RCSD1: variants seen among roughly 807,000 people sequenced by gnomAD.
RCSD1 encodes the protein capZ-interacting protein.
A neutral mutation model predicts 42.5 loss-of-function variants in RCSD1; 26 were observed. The observed-to-expected ratio is 0.61, with a 90% CI of 0.45 to 0.85. RCSD1 has a LOEUF of 0.85. Among genes scored for constraint, RCSD1 ranks in the 40% least tolerant of loss-of-function variants. The probability of loss-of-function intolerance (pLI) is 0.00; values close to 1 mark genes in which losing one functional copy is unlikely to be tolerated. For synonymous variants in RCSD1, 220 were observed against 212.2 expected (o/e 1.04, Z -0.32); for missense variants, 571 against 528.3 (o/e 1.08, Z -0.79).
intron 1 of RCSD1, among the ~76,000 whole-genome samples, chr1:167,639,494 CTTTG>C (rs888713788): frequency 6.0e-5 from 9 of 149,678 alleles, no homozygotes; most frequent in Non-Finnish European, 8.9e-5. Context: ...TTTTTTTTTT[CTTTG>C]TTTGTTTGTT....
intron 1 of RCSD1, among the ~76,000 whole-genome samples, chr1:167,680,281 G>A (rs1381885625): frequency 6.6e-6 from 1 of 151,954 alleles, no homozygotes; most frequent in Non-Finnish European, 1.5e-5. Flanking sequence ...AGGACCTGGA[G>A]GGTAGATGCT....
At chr1:167,639,147 G>A (rs1481425411) in intron 1 of RCSD1, among the ~76,000 whole-genome samples, 1 of 152,274 alleles carries the variant, frequency 6.6e-6, no homozygotes, top group Non-Finnish European at 1.5e-5. Flanking sequence ...AACCCGGGAA[G>A]CGGAGGTTGC....
chr1:167,667,324 GGAC>G (rs985238946), intron 1 of RCSD1, among the ~76,000 whole-genome samples: 15 of 152,178 alleles, frequency 9.9e-5, no homozygotes, highest in African/African-American at 3.4e-4. Flanking sequence ...TACTGAGACC[GGAC>G]CAGAGATGTG....
At chr1:167,645,597 G>A (rs1658116866) in intron 1 of RCSD1, among the ~76,000 whole-genome samples, 1 of 152,178 alleles carries the variant, frequency 6.6e-6, no homozygotes, top group Non-Finnish European at 1.5e-5. Context: ...CCAAAAACTA[G>A]GAAGAATTTT....
intron 5 of RCSD1, among the ~76,000 whole-genome samples, chr1:167,695,166 T>C (rs376733993): frequency 1.8e-4 from 28 of 152,342 alleles, no homozygotes; most frequent in African/African-American, 6.0e-4. Context: ...GCCTGCCGGC[T>C]AGGGCCAGAG....
intron 1 of RCSD1, among the ~76,000 whole-genome samples, chr1:167,658,999 C>A (rs1406135832): frequency 6.6e-6 from 1 of 152,100 alleles, no homozygotes; most frequent in Non-Finnish European, 1.5e-5. Flanking sequence ...ACATTTACTC[C>A]AGCAATATAT....
intron 1 of RCSD1, among the ~76,000 whole-genome samples, chr1:167,673,067 C>A (rs1415293967): frequency 6.6e-6 from 1 of 152,118 alleles, no homozygotes; most frequent in African/African-American, 2.4e-5. Flanking sequence ...GAGGCAGATC[C>A]AAGACGATGC....
chr1:167,666,532 A>G (rs967035664), intron 1 of RCSD1, among the ~76,000 whole-genome samples: 1 of 152,226 alleles, frequency 6.6e-6, no homozygotes, highest in Non-Finnish European at 1.5e-5. Context: ...TGCTAGTTAC[A>G]GAGGGGACTT....
At chr1:167,661,486 C>G (rs2102214276) in intron 1 of RCSD1, among the ~76,000 whole-genome samples, 1 of 152,372 alleles carries the variant, frequency 6.6e-6, no homozygotes, top group Middle Eastern at 3.4e-3. Context: ...TTTCTGCTCT[C>G]TGCTTTCTGT....
rs116281291 is a variant in RCSD1, at chr1:167,637,313, G to A, written c.6+6884G>A. On this transcript the variant is annotated intron_variant, in intron 1 of 6. Coordinates refer to ENST00000367854, the MANE Select transcript of RCSD1 (RefSeq NM_052862.4). The stretch of plus-strand genomic sequence containing the variant: ...TTTGAGGACTAGATGGGGAGTACAG[G>A]AAATGTAAGTTGCAGTTCCTGCCCT... Among the ~76,000 whole-genome samples the A allele has an allele frequency of 4.6e-3, 703 of 152,288 alleles. 2 individuals carry two copies. The highest frequency in any genetic ancestry group is 0.016 in the African/African-American group (663 of 41,560).
chr1:167,697,719 A>G lies in RCSD1; in HGVS notation c.1095A>G (p.Glu365=). The G allele has an allele frequency of 6.3e-7, 1 of 1,592,490 alleles. No individual in the cohort carries two copies. Among genetic ancestry groups the G allele is most frequent in the Non-Finnish European group, 8.5e-7 (1 of 1,170,806 alleles). Residue 365 remains glutamate, a synonymous_variant, in exon 6 of 7, where the codon GAA becomes GAG. Coordinates refer to ENST00000367854, the MANE Select transcript of RCSD1 (RefSeq NM_052862.4). ...AGGGCGGAGATGTCCCCAAGCAGGAAAAAGGCAAGGAAAAACAACAGGAGG... is the reference window on the plus strand; with the variant it reads ...AGGGCGGAGATGTCCCCAAGCAGGAGAAAGGCAAGGAAAAACAACAGGAGG... ...GVKGGDVPKQ[E]KGKEKQQEGA... is the part of the protein sequence containing the mutation.
intron 4 of RCSD1, among the ~76,000 whole-genome samples, chr1:167,691,910 T>G (rs1295322072): frequency 6.6e-6 from 1 of 152,096 alleles, no homozygotes; most frequent in Non-Finnish European, 1.5e-5. Flanking sequence ...ATCCCAGAAC[T>G]CCAGCACCCC....
In RCSD1 at chr1:167,705,050, CAGCTAATTT is replaced by C. The variant is rs532648085; in HGVS notation, c.*359_*367del. On this transcript the variant is annotated 3_prime_UTR_variant, in exon 7 of 7. Transcript: ENST00000367854. ...TGCTATCCACACCCACCTATCCCTG[CAGCTAATTT>C]AGCTGATCTCTAATTTAACTGAGCT... 0.25 allele frequency: 45,917 copies of C among 182,612 alleles called. 6,255 individuals carry two copies. The highest frequency in any genetic ancestry group is 0.32 in the Middle Eastern group (138 of 430). The allele number at this position is 182,612 out of a possible 1,614,324, so 11.3% of individuals were successfully genotyped here. A position where few individuals can be genotyped will look rare whatever the true frequency, so the allele number is the denominator to read the frequency against.
chr1:167,647,152 G>C (rs573904441), intron 1 of RCSD1, among the ~76,000 whole-genome samples: 3 of 129,682 alleles, frequency 2.3e-5, no homozygotes, highest in Non-Finnish European at 3.3e-5. Context: ...GAGAGAGAAG[G>C]GGGTAGAGGC....
chr1:167,638,654 C>T (rs753210963), intron 1 of RCSD1, among the ~76,000 whole-genome samples: 63 of 152,318 alleles, frequency 4.1e-4, no homozygotes, highest in Non-Finnish European at 7.3e-4. Context: ...GCTTGTAAGG[C>T]CTGGCACAGG....
rs1478524455 is a variant in RCSD1, at chr1:167,685,426, A to G, written c.114A>G (p.Pro38=). Residue 38 remains proline (P), a synonymous_variant, in exon 3 of 7, where the codon CCA becomes CCG. Coordinates refer to ENST00000367854, the MANE Select transcript of RCSD1 (RefSeq NM_052862.4). The part of the protein sequence containing the change: ...REQAAAAKET[P]ASKPTRRKPP... ...GTCTGTCGCCCTCCCTCCAGACACC[A>G]GCCAGTAAACCAACCCGAAGGAAAC... 1 of 1,613,644 alleles carries G rather than the reference A, an allele frequency of 6.2e-7. No homozygotes were observed. Among genetic ancestry groups the G allele is most frequent in the East Asian group, 2.2e-5 (1 of 44,828 alleles).
intron 1 of RCSD1, among the ~76,000 whole-genome samples, chr1:167,681,787 C>T (rs1289066626): frequency 6.6e-6 from 1 of 152,188 alleles, no homozygotes; most frequent in Non-Finnish European, 1.5e-5. Context: ...AATCAGCCAG[C>T]ATCTTTGCCA....
chr1:167,639,754 A>G (rs570451513), intron 1 of RCSD1, among the ~76,000 whole-genome samples: 25 of 152,326 alleles, frequency 1.6e-4, no homozygotes, highest in African/African-American at 5.1e-4. Context: ...TTGGCCTCCC[A>G]AAGTGCTGGG....
chr1:167,704,587 C>A, intron 6 of RCSD1, 77 bp from the exon 7 acceptor site: 2 of 1,238,636 alleles, frequency 1.6e-6, no homozygotes, highest in East Asian at 2.3e-5. Context: ...CCAGATCCAT[C>A]ATCCCCAAGG....
Sources: gnomAD v4.1 joint callset for allele counts (sites outside exome capture counted in the v4.1 genomes callset) on GRCh38, gnomAD v4.1.1 for gene constraint, MANE v1.5 for transcripts, NCBI Gene and HGNC (gene_info 2026-07-23, HGNC 2026-07-21) for gene names.